The following CFAP46 variants were observed in gnomAD, a reference collection of about 807,000 sequenced individuals.
The protein encoded by CFAP46 is cilia- and flagella-associated protein 46.
Under a neutral mutation model 325.7 loss-of-function variants are expected in CFAP46, and 245 were observed. The ratio of observed to expected loss-of-function variants is 0.75; its 90% CI spans 0.68 to 0.84. The LOEUF is 0.84. Ranked by LOEUF, CFAP46 falls within the 40% of genes least tolerant of loss-of-function variation. The probability of loss-of-function intolerance (pLI) is 0.00; values close to 1 mark genes in which losing one functional copy is unlikely to be tolerated. For missense variants in CFAP46, 3,346 were observed against 3,543.0 expected (o/e 0.94, Z 1.41); for synonymous variants, 1,523 against 1,495.9 (o/e 1.02, Z -0.42).
chr10:132,822,765 G>A (rs1013774589), intron 50 of CFAP46, among the ~76,000 whole-genome samples: 3 of 144,020 alleles, frequency 2.1e-5, no homozygotes, highest in Non-Finnish European at 3.0e-5. Context: ...GAGTGCTGAT[G>A]TGTGCTGTGT....
intron 47 of CFAP46, among the ~76,000 whole-genome samples, 181 bp from the exon 48 acceptor site, chr10:132,834,956 C>A (rs1304428681): frequency 6.6e-6 from 1 of 152,258 alleles, no homozygotes; most frequent in Non-Finnish European, 1.5e-5. Context: ...TGGAGGGTCA[C>A]CCTGAGACCC....
chr10:132,911,324 C>G (rs1849537595), intron 19 of CFAP46, among the ~76,000 whole-genome samples: 1 of 152,242 alleles, frequency 6.6e-6, no homozygotes, highest in Non-Finnish European at 1.5e-5. Context: ...CCTGGCGCAG[C>G]TGACTGTGAG....
chr10:132,861,683 G>A (rs1848723012), intron 35 of CFAP46, among the ~76,000 whole-genome samples: 1 of 152,224 alleles, frequency 6.6e-6, no homozygotes, highest in South Asian at 2.1e-4. Context: ...GGAGAGGACG[G>A]GAGCGGTGGC....
At chr10:132,937,939 T>C (rs541621164) in intron 5 of CFAP46, among the ~76,000 whole-genome samples, 77 of 152,202 alleles carry the variant, frequency 5.1e-4, no homozygotes, top group Non-Finnish European at 1.0e-3. Flanking sequence ...AACGGCCATA[T>C]GGCAAGTAAC....
Position 132,899,109 on chromosome 10 carries a change from G to C in CFAP46, c.3069C>G (p.Ile1023Met). 6.5e-7 allele frequency: 1 copy of C among 1,544,722 alleles called. No individual in the cohort carries two copies. The highest frequency in any genetic ancestry group is 1.2e-5 in the South Asian group (1 of 83,938). Residue 1023 changes from isoleucine to methionine, a missense_variant, in exon 24 of 58, where the codon ATC becomes ATG. Ile to Met is a conservative substitution (Grantham distance 10). Transcript: ENST00000368586. ...GCATCACCAGGGCGCTGCTGCCCGC[G>C]ATGCCTCCGAACCTAAAAGAGGGCA... ...AFTESARFGG[I>M]AGSSALVMLA... is the part of the protein sequence containing the mutation.
At position 132,899,554 on chromosome 10, in the gene CFAP46, C is replaced by T; in HGVS notation, c.3037G>A (p.Ala1013Thr). The change falls in exon 23 of 58, where the codon GCC becomes ACC. Residue 1013 changes from alanine (A) to threonine (T), a missense_variant. Transcript: ENST00000368586. ...ACACACCTGGCGCTCTCCGTGAAGGCCTTGGCTGCCACCAGTCGCAGCTGC... is the reference window on the plus strand; with the variant it reads ...ACACACCTGGCGCTCTCCGTGAAGGTCTTGGCTGCCACCAGTCGCAGCTGC... ...RKQLRLVAAK[A>T]FTESARFGGI... 2 of 1,548,804 alleles carry T rather than the reference C, an allele frequency of 1.3e-6. No homozygotes were observed. Among genetic ancestry groups the T allele is most frequent in the South Asian group, 2.4e-5 (2 of 83,872 alleles).
chr10:132,860,907 CAT>C lies in CFAP46; in HGVS notation c.4964_4965del (p.Tyr1655TrpfsTer17). ...TGTGCGATCATTTTCTTGGCTTGTC[CAT>C]AGTTTTTCTCCTTGTTGGCCAACTG... ...LAQLANKEKN[Y>X]GQAKKMIAQA... On this transcript the variant is annotated frameshift_variant, in exon 36 of 58. Transcript: ENST00000368586. LOFTEE classifies it high-confidence loss of function. The C allele has an allele frequency of 6.4e-7, 1 of 1,550,798 alleles. No individual in the cohort carries two copies. Among genetic ancestry groups the C allele is most frequent in the Admixed American group, 2.0e-5 (1 of 51,010 alleles).
intron 53 of CFAP46, 93 bp from the exon 54 acceptor site, chr10:132,814,347 C>A: frequency 8.7e-7 from 1 of 1,144,788 alleles, no homozygotes; most frequent in Non-Finnish European, 1.3e-6. Context: ...ACAGCGAATG[C>A]AGGCGCATAT....
chr10:132,908,040 C>T (rs974461417), intron 22 of CFAP46, among the ~76,000 whole-genome samples: 1 of 152,260 alleles, frequency 6.6e-6, no homozygotes, highest in Non-Finnish European at 1.5e-5. Context: ...CTACAATGCA[C>T]ACGCGGCCAG....
rs1341580891 is a variant in CFAP46, at chr10:132,895,361, G to A, written c.3220-2944C>T. On this transcript the variant is annotated intron_variant, in intron 24 of 57. Transcript: ENST00000368586. ...ACCCACAGCTCACGTCACATGCAAT[G>A]GTGAGGCTGAAGCTCTCTCACTAAG... Among the ~76,000 whole-genome samples, 4 of 152,206 alleles carry A rather than the reference G, an allele frequency of 2.6e-5. No individual in the cohort carries two copies. The East Asian group carries it at 7.7e-4, about 29-fold the overall frequency.
At position 132,860,535 on chromosome 10, in the gene CFAP46, CA is replaced by C; in HGVS notation, c.5092-13del. On this transcript the variant is annotated splice_polypyrimidine_tract_variant and intron_variant, in intron 36 of 57. Transcript: ENST00000368586. ...AATATGTGACACACCTGAGGACAGG[CA>C]GGGGTGGATACGGGTGTGTCTGAGG... The C allele has an allele frequency of 6.5e-7, 1 of 1,534,294 alleles. No homozygotes were observed. The highest frequency in any genetic ancestry group is 8.8e-7 in the Non-Finnish European group (1 of 1,132,052).
At chr10:132,844,894 C>T (rs534229376) in intron 44 of CFAP46, among the ~76,000 whole-genome samples, 4 of 152,248 alleles carry the variant, frequency 2.6e-5, no homozygotes, top group South Asian at 2.1e-4. Context: ...TCAGGCTGGG[C>T]GTCAGTGGCT....
chr10:132,866,912 T>C lies in CFAP46; in HGVS notation c.4743+463A>G, dbSNP rs149158526. ...TGGTGGGAGAACCAGTTCTGTCAGA[T>C]GACCGGGACCTCCAGGCGGAGCTCC... On this transcript the variant is annotated intron_variant, in intron 34 of 57. Coordinates refer to ENST00000368586, the MANE Select transcript of CFAP46 (RefSeq NM_001200049.3). 9.2e-3 allele frequency among the ~76,000 whole-genome samples: 1,407 copies of C among 152,350 alleles called. 12 individuals are homozygous for C. The highest frequency in any genetic ancestry group is 0.043 in the South Asian group (209 of 4,826).
Position 132,814,610 on chromosome 10 carries a change from C to G in CFAP46, c.7252G>C (p.Val2418Leu), listed in dbSNP as rs200688457. Residue 2418 changes from valine to leucine, a missense_variant and splice_region_variant, in exon 53 of 58, where the codon GTC (valine) becomes CTC (leucine). By Grantham distance (32) the Val-to-Leu change is conservative. Coordinates refer to ENST00000368586, the MANE Select transcript of CFAP46 (RefSeq NM_001200049.3). Reference sequence around the variant, plus strand: ...TGGGCCTCCTCGTATGGGTCCACGACGACTGGGTCCCGGTCAAGGAGAAAC... The same window carrying G: ...TGGGCCTCCTCGTATGGGTCCACGAGGACTGGGTCCCGGTCAAGGAGAAAC... ...IIVDSDNFKF[V>L]VDPYEEAQGP... is the part of the protein sequence containing the mutation. 1 of 1,575,492 alleles carries G rather than the reference C, an allele frequency of 6.3e-7. No individual in the cohort carries two copies. The highest frequency in any genetic ancestry group is 8.6e-7 in the Non-Finnish European group (1 of 1,161,108).
chr10:132,808,788 T>C lies in CFAP46; in HGVS notation c.7781A>G (p.Gln2594Arg). 6.2e-7 allele frequency: 1 copy of C among 1,601,190 alleles called. No individual in the cohort carries two copies. Among genetic ancestry groups the C allele is most frequent in the African/African-American group, 1.3e-5 (1 of 74,844 alleles). ...WAAAPSHRVV[Q>R]AWTCLPSAAG... Reference sequence around the variant, plus strand: ...AGCTGATGGGAGGCAGGTCCAGGCCTGCACTACCCGATGGCTTGGTGCGGC... The same window carrying C: ...AGCTGATGGGAGGCAGGTCCAGGCCCGCACTACCCGATGGCTTGGTGCGGC... Residue 2594 changes from glutamine to arginine, a missense_variant, in exon 58 of 58, where the codon CAG (glutamine) becomes CGG (arginine). Transcript: ENST00000368586. This position sits in a 1 kb window ranked among gnomAD's most constrained non-coding sequence, Gnocchi z 6.8.
chr10:132,859,698 C>T (rs918202006), intron 37 of CFAP46, among the ~76,000 whole-genome samples: 10 of 152,170 alleles, frequency 6.6e-5, no homozygotes, highest in African/African-American at 1.9e-4. Flanking sequence ...GGGCTGCCCT[C>T]GCGCCAATGC....
At chr10:132,929,545 CTG>C (rs1156985365) in intron 9 of CFAP46, 158 bp downstream of exon 9, 1 of 801,498 alleles carries the variant, frequency 1.2e-6, no homozygotes, top group Non-Finnish European at 2.3e-6. Flanking sequence ...CTAACTGCAA[CTG>C]TGCAAAACAC....
chr10:132,937,146 T>TAAG, intron 6 of CFAP46, 91 bp from the exon 7 acceptor site: 3 of 727,726 alleles, frequency 4.1e-6, no homozygotes, highest in Non-Finnish European at 6.1e-6. Flanking sequence ...TCTCATTAAT[T>TAAG]TTGTATCTAG....
rs140205575 is a variant in CFAP46, at chr10:132,856,151, C to T, written c.5574+1439G>A. ...CTCTCGGCCTTCACAGAGGTCCCTG[C>T]GCTGGGCTCTCAGCTACACTGCTTC... On this transcript the variant is annotated intron_variant, in intron 39 of 57. Transcript: ENST00000368586. Among the ~76,000 whole-genome samples, 143 of 152,340 alleles carry T rather than the reference C, an allele frequency of 9.4e-4. 1 individual carries two copies. The highest frequency in any genetic ancestry group is 6.8e-3 in the Middle Eastern group (2 of 294).
Sources: gnomAD v4.1 joint callset for allele counts (sites outside exome capture counted in the v4.1 genomes callset) on GRCh38, gnomAD v4.1.1 for gene constraint, Gnocchi (gnomAD v3.1) non-coding constraint, MANE v1.5 for transcripts, NCBI Gene and HGNC (gene_info 2026-07-23, HGNC 2026-07-21) for gene names.